KIAA0586: variants seen among roughly 807,000 people sequenced by gnomAD.
KIAA0586 encodes KIAA0586.
Under a neutral mutation model 169.8 loss-of-function variants are expected in KIAA0586, and 144 were observed. That is an observed-to-expected ratio of 0.85 (90% confidence interval 0.74 to 0.97). The LOEUF is 0.97. KIAA0586 is among the 50% of genes least tolerant of loss of function. The pLI is 0.00. For missense variants in KIAA0586, 1,854 were observed against 1,823.0 expected (o/e 1.02, Z -0.31); for synonymous variants, 625 against 612.4 (o/e 1.02, Z -0.30).
chr14:58,491,639 C>T (rs944360825), intron 25 of KIAA0586, among the ~76,000 whole-genome samples: 9 of 152,168 alleles, frequency 5.9e-5, no homozygotes, highest in South Asian at 4.1e-4. Flanking sequence ...CCAATGCCCT[C>T]GCCAAGTAAG....
At position 58,479,802 on chromosome 14, in the gene KIAA0586, A is replaced by T. The variant is rs77847791; in HGVS notation, c.2944+2561A>T. On this transcript the variant is annotated intron_variant, in intron 20 of 30. Transcript: ENST00000652326. ...TGAAAAGATTATCATTATTCCATTG[A>T]ACTACCTTAACACCTTGGTTGAAAA... Among the ~76,000 whole-genome samples, 1,477 of 152,252 alleles carry T rather than the reference A, an allele frequency of 9.7e-3. 8 individuals are homozygous for T. Among genetic ancestry groups the T allele is most frequent in the Non-Finnish European group, 0.016 (1,081 of 68,008 alleles).
intron 27 of KIAA0586, among the ~76,000 whole-genome samples, chr14:58,501,483 A>G (rs2043568959): frequency 6.6e-6 from 1 of 152,232 alleles, no homozygotes; most frequent in Non-Finnish European, 1.5e-5. Flanking sequence ...GCAACTAGGT[A>G]CTTAGTTGAA....
intron 18 of KIAA0586, 119 bp downstream of exon 18, chr14:58,472,398 T>C: frequency 2.1e-6 from 1 of 470,126 alleles, no homozygotes; most frequent in East Asian, 3.7e-5. Context: ...CTTTTACTTT[T>C]GAGTTAAATA....
At chr14:58,546,612 G>A (rs2047001286) in intron 30 of KIAA0586, among the ~76,000 whole-genome samples, 1 of 152,054 alleles carries the variant, frequency 6.6e-6, no homozygotes, top group African/African-American at 2.4e-5. Context: ...TTGTTTGTTT[G>A]TTTTAAATAA....
downstream of KIAA0586, among the ~76,000 whole-genome samples, chr14:58,552,626 T>A (rs2047221116): frequency 6.6e-6 from 1 of 152,210 alleles, no homozygotes; most frequent in Admixed American, 6.5e-5. Flanking sequence ...AGCAGTTCAG[T>A]ACGCTCCTAC....
chr14:58,529,916 TG>T (rs2139993912), intron 29 of KIAA0586, among the ~76,000 whole-genome samples: 1 of 152,292 alleles, frequency 6.6e-6, no homozygotes, highest in African/African-American at 2.4e-5. Flanking sequence ...GAAGTCAAAT[TG>T]TCTCTGTTTG....
chr14:58,441,606 C>G (rs1804496786), intron 4 of KIAA0586, among the ~76,000 whole-genome samples: 1 of 152,070 alleles, frequency 6.6e-6, no homozygotes, highest in African/African-American at 2.4e-5. Flanking sequence ...ATTGATTGTT[C>G]ACAGTCAGTT....
Position 58,427,955 on chromosome 14 carries a change from C to T in KIAA0586, c.-310C>T, listed in dbSNP as rs2036974945. 7 of 1,402,392 alleles carry T rather than the reference C, an allele frequency of 5.0e-6. No individual in the cohort carries two copies. The Admixed American group carries it at 1.2e-4, about 24-fold the overall frequency. The allele number at this position is 1,402,392 out of a possible 1,614,324, so 86.9% of individuals were successfully genotyped here. A position where few individuals can be genotyped will look rare whatever the true frequency, so the allele number is the denominator to read the frequency against. On this transcript the variant is annotated 5_prime_UTR_variant, in exon 1 of 31. Coordinates refer to ENST00000652326, the MANE Select transcript of KIAA0586 (RefSeq NM_001329943.3). The stretch of plus-strand genomic sequence containing the variant: ...CGCCACTACATGTGTTTGGTTTTGC[C>T]CTACCAGCTCTGGGGTTGGGGAGTG...
At chr14:58,510,420 TA>T (rs1208652915) in intron 28 of KIAA0586, among the ~76,000 whole-genome samples, 1 of 151,980 alleles carries the variant, frequency 6.6e-6, no homozygotes, top group Non-Finnish European at 1.5e-5. Flanking sequence ...AAATGCAAAA[TA>T]AAACCACAAT....
chr14:58,474,315 A>G (rs1478894800), intron 18 of KIAA0586, among the ~76,000 whole-genome samples: 1 of 152,180 alleles, frequency 6.6e-6, no homozygotes, highest in East Asian at 1.9e-4. Flanking sequence ...ATTTCTAGAG[A>G]GAAATAATAG....
At chr14:58,502,079 G>A (rs1409636019) in intron 27 of KIAA0586, among the ~76,000 whole-genome samples, 3 of 152,132 alleles carry the variant, frequency 2.0e-5, no homozygotes, top group Non-Finnish European at 4.4e-5. Context: ...GAATGATGTG[G>A]TAGCAGACAT....
intron 29 of KIAA0586, among the ~76,000 whole-genome samples, chr14:58,512,946 A>G (rs984876277): frequency 9.2e-5 from 14 of 152,060 alleles, no homozygotes; most frequent in African/African-American, 3.1e-4. Context: ...ACATTACAAT[A>G]TGTTAAAGAC....
At chr14:58,481,093 T>A (rs1022174690) in intron 20 of KIAA0586, among the ~76,000 whole-genome samples, 2 of 152,222 alleles carry the variant, frequency 1.3e-5, no homozygotes, top group African/African-American at 4.8e-5. Context: ...GAATTTGGGA[T>A]TGGGATAGTC....
At chr14:58,490,905 G>A (rs1175073404) in intron 25 of KIAA0586, among the ~76,000 whole-genome samples, 1 of 151,908 alleles carries the variant, frequency 6.6e-6, no homozygotes, top group Non-Finnish European at 1.5e-5. Context: ...AAGCATTGTT[G>A]CTGTTTTTTT....
Position 58,443,952 on chromosome 14 carries a change from A to G in KIAA0586, c.586-2A>G. The G allele has an allele frequency of 1.3e-6, 2 of 1,570,524 alleles. No individual in the cohort carries two copies. The highest frequency in any genetic ancestry group is 1.7e-6 in the Non-Finnish European group (2 of 1,147,518). ...TTTTTAAAAATGTTTTTATTGTTTT[A>G]GGTGCAGAGTGATTTGGAAGCAAAA... On this transcript the variant is annotated splice_acceptor_variant, in intron 5 of 30. Coordinates refer to ENST00000652326, the MANE Select transcript of KIAA0586 (RefSeq NM_001329943.3). LOFTEE classifies it high-confidence loss of function.
chr14:58,501,958 A>C (rs574557015), intron 27 of KIAA0586, among the ~76,000 whole-genome samples: 80 of 152,244 alleles, frequency 5.3e-4, no homozygotes, highest in African/African-American at 1.7e-3. Flanking sequence ...GCTTGGACTG[A>C]GGTCATCTGA....
At chr14:58,432,954 G>C (rs1456526498) in intron 4 of KIAA0586, among the ~76,000 whole-genome samples, 2 of 152,180 alleles carry the variant, frequency 1.3e-5, no homozygotes, top group Non-Finnish European at 1.5e-5. Flanking sequence ...GGCCTCAGGT[G>C]ATCTACCTGC....
Position 58,450,569 on chromosome 14 carries a change from T to C in KIAA0586, c.962-10T>C. 6.4e-7 allele frequency: 1 copy of C among 1,567,084 alleles called. No individual in the cohort carries two copies. Among genetic ancestry groups the C allele is most frequent in the Non-Finnish European group, 8.7e-7 (1 of 1,154,556 alleles). The stretch of plus-strand genomic sequence containing the variant: ...AGCAAGTTAAGTTTTTAAAAAATTT[T>C]CTGTTAAAGCACCTTTAAAAGAAGT... On this transcript the variant is annotated splice_polypyrimidine_tract_variant and intron_variant, in intron 7 of 30. Coordinates refer to ENST00000652326, the MANE Select transcript of KIAA0586 (RefSeq NM_001329943.3).
chr14:58,428,239 GT>G lies in KIAA0586; in HGVS notation c.-25del. The stretch of plus-strand genomic sequence containing the variant: ...AGAGAAAGTTTTTCCGTCCTTAAGT[GT>G]GGGACTTGTTTTGTGACCAACAATA... On this transcript the variant is annotated 5_prime_UTR_variant, in exon 1 of 31. Transcript: ENST00000652326. 6.2e-7 allele frequency: 1 copy of G among 1,608,492 alleles called. No homozygotes were observed. The highest frequency in any genetic ancestry group is 8.5e-7 in the Non-Finnish European group (1 of 1,177,428).
Sources: allele counts gnomAD v4.1 joint callset (sites outside exome capture counted in the v4.1 genomes callset), GRCh38; gene constraint gnomAD v4.1.1; transcripts MANE v1.5; gene names NCBI Gene and HGNC (gene_info 2026-07-23, HGNC 2026-07-21).